MARCHF3: variants seen among roughly 807,000 people sequenced by gnomAD.
MARCHF3 encodes the protein E3 ubiquitin-protein ligase MARCHF3.
A neutral mutation model predicts 24.2 loss-of-function variants in MARCHF3; 13 were observed. The observed-to-expected ratio is 0.54, with a 90% CI of 0.35 to 0.85. The LOEUF (loss-of-function observed/expected upper bound fraction) is 0.85. Ranked by LOEUF, MARCHF3 falls within the 40% of genes least tolerant of loss-of-function variation. The pLI, the probability that MARCHF3 is intolerant of heterozygous loss-of-function variation, is 0.01. For synonymous variants in MARCHF3, 144 were observed against 137.3 expected (o/e 1.05, Z -0.34); for missense variants, 276 against 325.0 (o/e 0.85, Z 1.16).
chr5:127,001,503 C>G lies in MARCHF3; in HGVS notation c.-57+28847G>C, dbSNP rs907570513. 2.0e-5 allele frequency among the ~76,000 whole-genome samples: 3 copies of G among 152,172 alleles called. No homozygotes were observed. The South Asian group carries it at 6.2e-4, about 32-fold the overall frequency. Reference sequence around the variant, plus strand: ...TCAAACTACAAAACCTGCCTCTCCCCCATGGTACCAGTGTGCACTTAGTTG... The same window carrying G: ...TCAAACTACAAAACCTGCCTCTCCCGCATGGTACCAGTGTGCACTTAGTTG... On this transcript the variant is annotated intron_variant, in intron 1 of 4. Transcript: ENST00000308660.
At chr5:126,912,151 C>A (rs897838163) in intron 3 of MARCHF3, among the ~76,000 whole-genome samples, 1 of 152,196 alleles carries the variant, frequency 6.6e-6, no homozygotes, top group African/African-American at 2.4e-5. Context: ...TACAACAGCC[C>A]TGGGTTCCTG....
intron 1 of MARCHF3, among the ~76,000 whole-genome samples, chr5:126,999,800 C>T (rs1752068046): frequency 6.6e-6 from 1 of 152,090 alleles, no homozygotes; most frequent in African/African-American, 2.4e-5. Flanking sequence ...CTGTCATCCT[C>T]AGAGCACTCA....
At chr5:127,004,895 C>G (rs1420372678) in intron 1 of MARCHF3, among the ~76,000 whole-genome samples, 3 of 151,990 alleles carry the variant, frequency 2.0e-5, no homozygotes, top group Non-Finnish European at 2.9e-5. Context: ...GCCTTACCAT[C>G]TCTGTTTTTC....
intron 1 of MARCHF3, among the ~76,000 whole-genome samples, chr5:126,963,214 T>C (rs1750699315): frequency 6.6e-6 from 1 of 152,226 alleles, no homozygotes; most frequent in Non-Finnish European, 1.5e-5. Flanking sequence ...ACCAGTCTTA[T>C]AGTTTGTCTC....
intron 1 of MARCHF3, among the ~76,000 whole-genome samples, chr5:127,018,286 G>A (rs767901450): frequency 2.0e-5 from 3 of 152,100 alleles, no homozygotes; most frequent in Non-Finnish European, 4.4e-5. Context: ...CAGGAGAATC[G>A]CTTGAACCCA....
At chr5:126,978,639 G>A (rs760772386) in intron 1 of MARCHF3, among the ~76,000 whole-genome samples, 3 of 152,172 alleles carry the variant, frequency 2.0e-5, no homozygotes, top group Admixed American at 6.6e-5. Flanking sequence ...GAAAAAAGAC[G>A]TTTTCTTCAT....
At chr5:126,875,498 T>C (rs1753117746) in intron 4 of MARCHF3, among the ~76,000 whole-genome samples, 1 of 152,260 alleles carries the variant, frequency 6.6e-6, no homozygotes, top group Non-Finnish European at 1.5e-5. Flanking sequence ...ATATTCTCCT[T>C]AAGCTTGACA....
rs1313597081 is a variant in MARCHF3, at chr5:126,868,374, T to TC, written c.*2258dup. On this transcript the variant is annotated 3_prime_UTR_variant, in exon 5 of 5. Transcript: ENST00000308660. The stretch of plus-strand genomic sequence containing the variant: ...CTGCCTGGCTGCCAGGGGTGTCCTT[T>TC]CACCACCCCACACACAATCTACTCC... 1 of 152,174 alleles carries TC rather than the reference T, an allele frequency of 6.6e-6. No individual in the cohort carries two copies. The highest frequency in any genetic ancestry group is 1.5e-5 in the Non-Finnish European group (1 of 68,074). 9.4% of individuals were successfully genotyped at this position (152,174 alleles called of 1,614,324 possible).
chr5:126,982,835 A>G (rs1751434620), intron 1 of MARCHF3, among the ~76,000 whole-genome samples: 1 of 152,216 alleles, frequency 6.6e-6, no homozygotes, highest in Non-Finnish European at 1.5e-5. Flanking sequence ...GAATTGGGGT[A>G]TATATGCCTT....
intron 3 of MARCHF3, among the ~76,000 whole-genome samples, chr5:126,884,189 G>A (rs1380185728): frequency 6.6e-6 from 1 of 152,182 alleles, no homozygotes; most frequent in African/African-American, 2.4e-5. Flanking sequence ...ATTTAAAATT[G>A]AAGATGAAAG....
chr5:126,981,422 G>A (rs1751391685), intron 1 of MARCHF3, among the ~76,000 whole-genome samples: 1 of 152,194 alleles, frequency 6.6e-6, no homozygotes. Flanking sequence ...GGCTTTGATG[G>A]AGGAAGCCAT....
chr5:126,925,179 G>T (rs1233013548), intron 1 of MARCHF3, among the ~76,000 whole-genome samples: 2 of 152,150 alleles, frequency 1.3e-5, no homozygotes, highest in Non-Finnish European at 2.9e-5. Context: ...TGATTTGGGG[G>T]TAATGGCATA....
intron 1 of MARCHF3, among the ~76,000 whole-genome samples, chr5:126,960,767 G>A (rs561253616): frequency 1.1e-3 from 169 of 152,186 alleles, no homozygotes; most frequent in African/African-American, 3.9e-3. Flanking sequence ...AAAAAAGAGA[G>A]AACTGTCTAG....
chr5:126,989,358 G>A lies in MARCHF3; in HGVS notation c.-57+40992C>T, dbSNP rs182573455. ...ACTACTAATAATAATAATAATATTA[G>A]GACTAAAGAGAACCATTTCAAATGT... On this transcript the variant is annotated intron_variant, in intron 1 of 4. Transcript: ENST00000308660. 1.4e-4 allele frequency among the ~76,000 whole-genome samples: 21 copies of A among 150,790 alleles called. No individual in the cohort carries two copies. In the East Asian group the frequency reaches 3.9e-3, roughly 28 times the overall value.
rs1034508004 is a variant in MARCHF3 at position 127,000,075 on chromosome 5, A to G, written c.-57+30275T>C. Among the ~76,000 whole-genome samples, 43 of 150,540 alleles carry G rather than the reference A, an allele frequency of 2.9e-4. 1 individual carries two copies. The East Asian group carries it at 8.3e-3, about 29-fold the overall frequency. ...TAATATAGAATATATATTATTCTGT[A>G]AAGTATATTAATGATCTTAAGTCAG... On this transcript the variant is annotated intron_variant, in intron 1 of 4. Transcript: ENST00000308660.
At chr5:126,914,497 T>C (rs928144166) in intron 3 of MARCHF3, among the ~76,000 whole-genome samples, 4 of 152,126 alleles carry the variant, frequency 2.6e-5, no homozygotes, top group East Asian at 1.9e-4. Flanking sequence ...CATTAAACTA[T>C]GGAGCTATAC....
intron 1 of MARCHF3, among the ~76,000 whole-genome samples, chr5:127,014,026 G>A (rs1013185076): frequency 1.3e-5 from 2 of 152,052 alleles, no homozygotes; most frequent in Non-Finnish European, 2.9e-5. Context: ...AAAAATACAG[G>A]CAACTAATGC....
chr5:127,023,738 A>C (rs1752896038), intron 1 of MARCHF3, among the ~76,000 whole-genome samples: 1 of 32,966 alleles, frequency 3.0e-5, no homozygotes, highest in South Asian at 8.6e-4. Context: ...CTCAAAAAAT[A>C]AATAAATAAA....
intron 3 of MARCHF3, among the ~76,000 whole-genome samples, chr5:126,880,090 G>C (rs561426601): frequency 6.6e-6 from 1 of 152,168 alleles, no homozygotes; most frequent in Non-Finnish European, 1.5e-5. Flanking sequence ...AGCATGGAAC[G>C]ACAAAATAGA....
Sources: gnomAD v4.1 joint callset for allele counts (sites outside exome capture counted in the v4.1 genomes callset) on GRCh38, gnomAD v4.1.1 for gene constraint, MANE v1.5 for transcripts, NCBI Gene and HGNC (gene_info 2026-07-23, HGNC 2026-07-21) for gene names.